Variants in ATG7 observed in about 807,000 individuals in gnomAD.
ATG7 encodes the protein ubiquitin-like modifier-activating enzyme ATG7.
Under a neutral mutation model 82.4 loss-of-function variants are expected in ATG7, and 70 were observed. That is an observed-to-expected ratio of 0.85 (90% CI 0.70 to 1.04). ATG7 has a LOEUF of 1.04. ATG7 is among the 50% of genes least tolerant of loss of function. The pLI is 0.00. For synonymous variants in ATG7, 287 were observed against 313.0 expected (o/e 0.92, Z 0.88); for missense variants, 792 against 864.3 (o/e 0.92, Z 1.05).
At chr3:11,401,955 C>A (rs1241582718) in intron 19 of ATG7, among the ~76,000 whole-genome samples, 3 of 152,152 alleles carry the variant, frequency 2.0e-5, no homozygotes, top group African/African-American at 7.2e-5. Flanking sequence ...AAATAATAAA[C>A]ATTTTTATGT....
At chr3:11,336,122 C>G (rs1055734224) in intron 11 of ATG7, among the ~76,000 whole-genome samples, 1 of 148,444 alleles carries the variant, frequency 6.7e-6, no homozygotes, top group African/African-American at 2.5e-5. Flanking sequence ...TTACTGCAAT[C>G]CTGGGTTCAA....
chr3:11,417,050 G>T (rs938909065), intron 19 of ATG7, among the ~76,000 whole-genome samples: 1 of 152,074 alleles, frequency 6.6e-6, no homozygotes, highest in African/African-American at 2.4e-5. Flanking sequence ...GACTCTTTAT[G>T]ATTTCTTTTC....
chr3:11,555,099 AGT>A lies in ATG7; in HGVS notation c.*257_*258del. 2.0e-6 allele frequency: 1 copy of A among 505,400 alleles called. No homozygotes were observed. Among genetic ancestry groups the A allele is most frequent in the Non-Finnish European group, 3.5e-6 (1 of 287,588 alleles). 31.3% of individuals were successfully genotyped at this position (505,400 alleles called of 1,614,324 possible). ...TGACCTGGGACTTGGTCCTCCATGC[AGT>A]TTTTATTTCTTGTCACAGTGACTGA... On this transcript the variant is annotated 3_prime_UTR_variant, in exon 21 of 21. Coordinates refer to ENST00000693202, the MANE Select transcript of ATG7 (RefSeq NM_001349232.2).
At position 11,308,804 on chromosome 3, in the gene ATG7, G is replaced by T. The variant is rs111371108; in HGVS notation, c.334-180G>T. ...CTTAGATGTTGAAGGGAGTGTGGCT[G>T]GGAGAGAGGCAGTGTGAAGTCGGCA... On this transcript the variant is annotated intron_variant, in intron 6 of 20. Transcript: ENST00000693202. 3.5e-4 allele frequency: 223 copies of T among 629,976 alleles called. No homozygotes were observed. In the East Asian group the frequency reaches 5.1e-3, roughly 14 times the overall value. The allele number at this position is 629,976 out of a possible 1,614,324, so 39.0% of individuals were successfully genotyped here. A position where few individuals can be genotyped will look rare whatever the true frequency, so the allele number is the denominator to read the frequency against.
intron 16 of ATG7, among the ~76,000 whole-genome samples, chr3:11,362,266 G>GA (rs150994807): frequency 0.024 from 3,592 of 149,652 alleles, 55 homozygotes; most frequent in Non-Finnish European, 0.035. Context: ...CCATGTTGTA[G>GA]AAAAAAAAAA....
Position 11,306,954 on chromosome 3 carries a change from C to T in ATG7, c.227C>T (p.Thr76Ile), listed in dbSNP as rs780153681. ...TCTCTTGTATCTAGGAGTGCTCCCA[C>T]CCCAGCCCGTTGCTGCCCAGCTATT... Reference protein sequence around the residue: ...EFSAFDMSAPTPARCCPAIGT... With the variant: ...EFSAFDMSAPIPARCCPAIGT... The change falls in exon 6 of 21, where the codon ACC becomes ATC. Residue 76 changes from threonine (T) to isoleucine (I), a missense_variant. Thr to Ile is a moderately conservative substitution (Grantham distance 89, BLOSUM62 -1). Coordinates refer to ENST00000693202, the MANE Select transcript of ATG7 (RefSeq NM_001349232.2). 9.3e-6 allele frequency: 15 copies of T among 1,613,822 alleles called. No individual in the cohort carries two copies. In the African/African-American group the frequency reaches 1.9e-4, roughly 20 times the overall value.
At chr3:11,460,134 A>G (rs780514881) in intron 20 of ATG7, among the ~76,000 whole-genome samples, 9 of 152,244 alleles carry the variant, frequency 5.9e-5, no homozygotes, top group Non-Finnish European at 8.8e-5. Context: ...GACCAACCAG[A>G]TGGATCAGCT....
chr3:11,503,207 T>C (rs1312418288), intron 20 of ATG7, among the ~76,000 whole-genome samples: 5 of 152,074 alleles, frequency 3.3e-5, no homozygotes, highest in African/African-American at 1.2e-4. Context: ...CTGAAGGCCA[T>C]AGTGGACTTC....
the ATG7 span, among the ~76,000 whole-genome samples, chr3:11,574,108 C>T: frequency 1.3e-5 from 2 of 152,194 alleles, no homozygotes; most frequent in South Asian, 2.1e-4. Context: ...TGATCTCAGG[C>T]ACCAGGAACG....
At chr3:11,566,162 T>C in the ATG7 span, among the ~76,000 whole-genome samples, 2 of 152,106 alleles carry the variant, frequency 1.3e-5, no homozygotes, top group African/African-American at 4.8e-5. Context: ...ACAATGAATG[T>C]TACACACACA....
At chr3:11,441,964 C>T (rs2084018014) in intron 20 of ATG7, among the ~76,000 whole-genome samples, 1 of 151,944 alleles carries the variant, frequency 6.6e-6, no homozygotes, top group Admixed American at 6.6e-5. Context: ...CCGCGCCTGG[C>T]CCAATTTTTG....
chr3:11,358,496 C>T lies in ATG7; in HGVS notation c.1363C>T (p.Arg455Cys), dbSNP rs372998209. 31 of 1,613,994 alleles carry T rather than the reference C, an allele frequency of 1.9e-5. No individual in the cohort carries two copies. Among genetic ancestry groups the T allele is most frequent in the African/African-American group, 9.3e-5 (7 of 74,922 alleles). The part of the protein sequence containing the change: ...NFSSVTLEQA[R>C]RDVEQLEQLI... Reference sequence around the variant, plus strand: ...CTCCAGTGTCACTCTGGAGCAAGCCCGCAGAGATGTGGAGCAACTGGAGCA... The same window carrying T: ...CTCCAGTGTCACTCTGGAGCAAGCCTGCAGAGATGTGGAGCAACTGGAGCA... The change falls in exon 15 of 21, where the codon CGC (arginine) becomes TGC (cysteine). Residue 455 changes from arginine to cysteine, a missense_variant. By Grantham distance (180) the Arg-to-Cys change is radical (BLOSUM62 -3). Coordinates refer to ENST00000693202, the MANE Select transcript of ATG7 (RefSeq NM_001349232.2).
At chr3:11,530,151 G>A (rs1407133178) in intron 20 of ATG7, among the ~76,000 whole-genome samples, 3 of 152,314 alleles carry the variant, frequency 2.0e-5, no homozygotes, top group Middle Eastern at 3.4e-3. Context: ...CAGCACAGAT[G>A]TGTTATAATA....
In ATG7 at chr3:11,556,982, C is replaced by T. The variant is rs1035891158; in HGVS notation, c.*2139C>T. ...TCACCCAGTGCCAATTTCCAAAATT[C>T]AACAGCTAAAAACTGTAAAACCGGG... On this transcript the variant is annotated 3_prime_UTR_variant, in exon 21 of 21. Coordinates refer to ENST00000693202, the MANE Select transcript of ATG7 (RefSeq NM_001349232.2). The T allele has an allele frequency of 1.3e-5, 2 of 152,624 alleles. No homozygotes were observed. Among genetic ancestry groups the T allele is most frequent in the Non-Finnish European group, 2.9e-5 (2 of 68,036 alleles). The allele number at this position is 152,624 out of a possible 1,614,324, so 9.5% of individuals were successfully genotyped here. A position where few individuals can be genotyped will look rare whatever the true frequency, so the allele number is the denominator to read the frequency against.
chr3:11,452,871 C>A (rs2085330178), intron 20 of ATG7, among the ~76,000 whole-genome samples: 1 of 152,138 alleles, frequency 6.6e-6, no homozygotes, highest in Non-Finnish European at 1.5e-5. Context: ...ATGTTACCAG[C>A]AATATTTCAC....
At chr3:11,352,747 C>T (rs1419254090) in intron 14 of ATG7, among the ~76,000 whole-genome samples, 1 of 152,174 alleles carries the variant, frequency 6.6e-6, no homozygotes, top group African/African-American at 2.4e-5. Context: ...AGACATTGCT[C>T]AGGAAATATA....
At chr3:11,430,443 G>A (rs747508712) in intron 20 of ATG7, among the ~76,000 whole-genome samples, 6 of 152,060 alleles carry the variant, frequency 3.9e-5, no homozygotes, top group Non-Finnish European at 7.4e-5. Context: ...TGCATTCTAC[G>A]TAGAAAGGTC....
rs1948734713 is a variant in ATG7 at position 11,311,909 on chromosome 3, C to T, written c.412-1395C>T. Among the ~76,000 whole-genome samples, 5 of 150,814 alleles carry T rather than the reference C, an allele frequency of 3.3e-5. No homozygotes were observed. In the South Asian group the frequency reaches 1.1e-3, roughly 32 times the overall value. Reference sequence around the variant, plus strand: ...TCATCTGTACACATGATTACATATACATTTACATTTTAAAACTCATCTAGT... The same window carrying T: ...TCATCTGTACACATGATTACATATATATTTACATTTTAAAACTCATCTAGT... On this transcript the variant is annotated intron_variant, in intron 7 of 20. Transcript: ENST00000693202.
intron 20 of ATG7, among the ~76,000 whole-genome samples, chr3:11,457,444 A>G (rs2085849278): frequency 6.6e-6 from 1 of 152,196 alleles, no homozygotes; most frequent in African/African-American, 2.4e-5. Flanking sequence ...CAAGTGAAAG[A>G]TAACTGGAGT....
Sources: gnomAD v4.1 joint callset for allele counts (sites outside exome capture counted in the v4.1 genomes callset) on GRCh38, gnomAD v4.1.1 for gene constraint, MANE v1.5 for transcripts, NCBI Gene and HGNC (gene_info 2026-07-23, HGNC 2026-07-21) for gene names.